The following CUX1 variants were observed in gnomAD, a reference collection of about 807,000 sequenced individuals.
CUX1 encodes the protein protein CASP.
CUX1 carries 31 observed loss-of-function variants against 158.8 expected under a neutral mutation model. The ratio of observed to expected loss-of-function variants is 0.20; its 90% CI spans 0.15 to 0.26. The LOEUF is 0.26. Ranked by LOEUF, CUX1 falls within the 10% of genes least tolerant of loss-of-function variation. CUX1 has a pLI of 1.00. For synonymous variants in CUX1, 879 were observed against 862.1 expected (o/e 1.02, Z -0.34); for missense variants, 1,589 against 2,014.6 (o/e 0.79, Z 4.04).
At chr7:101,816,923 C>G, upstream of CUX1, 1 of 981,832 alleles carries the variant, frequency 1.0e-6, no homozygotes, top group South Asian at 4.7e-5. Flanking sequence ...GGCGCGGACC[C>G]CCGGGTTTGT....
At chr7:101,988,440 C>G (rs886268621) in intron 2 of CUX1, among the ~76,000 whole-genome samples, 2 of 152,096 alleles carry the variant, frequency 1.3e-5, no homozygotes, top group Admixed American at 1.3e-4. Flanking sequence ...GTGGGCCTCT[C>G]GGGTGCTTCT....
At position 102,250,552 on chromosome 7, in the gene CUX1, G is replaced by A; in HGVS notation, c.*1510G>A. 1.0e-6 allele frequency: 1 copy of A among 985,400 alleles called. No homozygotes were observed. Among genetic ancestry groups the A allele is most frequent in the Non-Finnish European group, 1.2e-6 (1 of 829,944 alleles). The allele number at this position is 985,400 out of a possible 1,614,324, so 61.0% of individuals were successfully genotyped here. A position where few individuals can be genotyped will look rare whatever the true frequency, so the allele number is the denominator to read the frequency against. ...CCTTTCTCTGCAGGAGAGAGAACGT[G>A]GCATTCTGGGCTCCCCACTCCCATC... On this transcript the variant is annotated 3_prime_UTR_variant, in exon 24 of 24. Transcript: ENST00000292535.
At chr7:102,150,280 C>T (rs547670418) in intron 8 of CUX1, among the ~76,000 whole-genome samples, 1 of 152,226 alleles carries the variant, frequency 6.6e-6, no homozygotes, top group South Asian at 2.1e-4. Flanking sequence ...CTCAGCCTCC[C>T]GAGTAGCTGG....
chr7:101,997,761 G>A (rs926253160), intron 2 of CUX1, among the ~76,000 whole-genome samples: 12 of 152,156 alleles, frequency 7.9e-5, no homozygotes, highest in South Asian at 2.1e-4. Context: ...TGTGCAGTGC[G>A]GATTGCAGGA....
At chr7:102,042,978 C>G (rs1050699056) in intron 3 of CUX1, among the ~76,000 whole-genome samples, 14 of 152,024 alleles carry the variant, frequency 9.2e-5, no homozygotes, top group South Asian at 4.1e-4. Flanking sequence ...TTAGTAAAGC[C>G]GAAGTCTGGC....
intron 9 of CUX1, among the ~76,000 whole-genome samples, chr7:102,165,334 T>C (rs547001513): frequency 2.1e-4 from 32 of 149,550 alleles, no homozygotes; most frequent in African/African-American, 7.6e-4. Context: ...AATCGGGCAC[T>C]GCGGTTAGGG....
At chr7:102,282,849 C>A in intron 22 of CUX1, 1 of 1,069,404 alleles carries the variant, frequency 9.4e-7, no homozygotes, top group Non-Finnish European at 1.3e-6. Flanking sequence ...CCCCCGAGTT[C>A]CTGCCTCATG....
chr7:102,169,543 G>A (rs984016157), intron 9 of CUX1, among the ~76,000 whole-genome samples: 1 of 152,244 alleles, frequency 6.6e-6, no homozygotes, highest in East Asian at 1.9e-4. Context: ...ATTCACAAAC[G>A]ACCTCTGCCT....
Position 102,249,216 on chromosome 7 carries a change from A to C in CUX1, c.*174A>C. On this transcript the variant is annotated 3_prime_UTR_variant, in exon 24 of 24. Transcript: ENST00000292535. ...CCTCCACGGTCCGCGGCCTGCACCG[A>C]CCCGAGGCCCAGATCCAAGGCCGCG... is the stretch of plus-strand genomic sequence containing the variant. 1 of 1,098,714 alleles carries C rather than the reference A, an allele frequency of 9.1e-7. No homozygotes were observed. The allele number at this position is 1,098,714 out of a possible 1,614,324, so 68.1% of individuals were successfully genotyped here.
At position 102,239,403 on chromosome 7, in the gene CUX1, G is replaced by T; in HGVS notation, c.3706G>T (p.Ala1236Ser). The T allele has an allele frequency of 6.2e-7, 1 of 1,613,508 alleles. No homozygotes were observed. The highest frequency in any genetic ancestry group is 8.5e-7 in the Non-Finnish European group (1 of 1,179,920). Reference protein sequence around the residue: ...PSVGTEYSQGASPQPQHQLKK... With the variant: ...PSVGTEYSQGSSPQPQHQLKK... ...TGTCGGCACCGAGTACAGCCAGGGC[G>T]CCAGCCCCCAGCCCCAGCACCAGCT... The change falls in exon 23 of 24, where the codon GCC becomes TCC. Residue 1236 changes from alanine (A) to serine (S), a missense_variant. Coordinates refer to ENST00000292535, the MANE Select transcript of CUX1 (RefSeq NM_181552.4).
intron 2 of CUX1, among the ~76,000 whole-genome samples, chr7:101,969,164 C>CA (rs200161269): frequency 0.024 from 3,316 of 137,502 alleles, 47 homozygotes; most frequent in African/African-American, 0.046. Context: ...CTCATCTCTA[C>CA]AAAAAAAAAA....
chr7:102,086,703 G>A (rs975369798), intron 4 of CUX1, among the ~76,000 whole-genome samples: 1 of 151,516 alleles, frequency 6.6e-6, no homozygotes, highest in Non-Finnish European at 1.5e-5. Context: ...TCTGCCTCCC[G>A]GGTTTATGCA....
intron 1 of CUX1, among the ~76,000 whole-genome samples, chr7:101,835,816 A>G (rs762165458): frequency 2.0e-5 from 3 of 151,992 alleles, no homozygotes; most frequent in Non-Finnish European, 2.9e-5. Context: ...GCTCACTGCA[A>G]TCTCCATCTC....
intron 3 of CUX1, among the ~76,000 whole-genome samples, chr7:102,045,378 A>C (rs1379212500): frequency 6.6e-6 from 1 of 152,248 alleles, no homozygotes; most frequent in East Asian, 1.9e-4. Flanking sequence ...CGCTCTCAGC[A>C]GTCTATTAAT....
rs149171097 is a variant in CUX1 at position 102,248,949 on chromosome 7, C to A, written c.4425C>A (p.Pro1475=). The A allele has an allele frequency of 0.013, 19,300 of 1,487,812 alleles. 167 individuals carry two copies. The highest frequency in any genetic ancestry group is 0.015 in the Non-Finnish European group (17,168 of 1,113,996). 92.2% of individuals were successfully genotyped at this position (1,487,812 alleles called of 1,614,324 possible). The change falls in exon 24 of 24, where the codon CCC becomes CCA. Residue 1475 remains proline (P), a synonymous_variant. Transcript: ENST00000292535. The surrounding 1 kb of genome is among the most constrained non-coding windows in gnomAD (Gnocchi z 5.8). ...GCGCCCGGGACTCGCGCGACAACCC[C>A]CTGCGCAAGAAGAAGGCCGCGAACT... is the stretch of plus-strand genomic sequence containing the variant. ...AAGARDSRDN[P]LRKKKAANLN...
chr7:102,128,314 C>T (rs1313974221), intron 8 of CUX1, among the ~76,000 whole-genome samples: 6 of 152,150 alleles, frequency 3.9e-5, no homozygotes, highest in East Asian at 1.9e-4. Flanking sequence ...ATGATATGCA[C>T]GGCTCAGAGA....
At chr7:101,984,483 G>T (rs2129225349) in intron 2 of CUX1, among the ~76,000 whole-genome samples, 1 of 141,140 alleles carries the variant, frequency 7.1e-6, no homozygotes, top group South Asian at 2.3e-4. Context: ...TGAACGCTCA[G>T]ATTGTTCTCC....
chr7:102,003,295 AACACACACACACAC>A (rs56760446), intron 2 of CUX1, among the ~76,000 whole-genome samples: 34 of 131,970 alleles, frequency 2.6e-4, no homozygotes, highest in South Asian at 1.3e-3. Flanking sequence ...CCTGGTGCCG[AACACACACACACAC>A]ACACACACAC....
At chr7:102,074,699 C>T (rs898188993) in intron 4 of CUX1, among the ~76,000 whole-genome samples, 6 of 152,234 alleles carry the variant, frequency 3.9e-5, no homozygotes, top group African/African-American at 1.4e-4. Context: ...TGGTCCAGGT[C>T]TCACTCCTGA....
Sources: allele counts gnomAD v4.1 joint callset (sites outside exome capture counted in the v4.1 genomes callset), GRCh38; gene constraint gnomAD v4.1.1; non-coding constraint Gnocchi (gnomAD v3.1); transcripts MANE v1.5; gene names NCBI Gene and HGNC (gene_info 2026-07-23, HGNC 2026-07-21).